The following GSAP variants were observed in gnomAD, a reference collection of about 807,000 sequenced individuals.
GSAP encodes the protein gamma-secretase-activating protein.
In GSAP, 118 loss-of-function variants were observed where a neutral mutation model predicts 131.7. That is an observed-to-expected ratio of 0.90 (90% CI 0.77 to 1.04). The LOEUF (loss-of-function observed/expected upper bound fraction) is 1.04. Among genes scored for constraint, GSAP ranks in the 50% least tolerant of loss-of-function variants. GSAP has a pLI of 0.00. For synonymous variants in GSAP, 381 were observed against 363.4 expected, an observed-to-expected ratio of 1.05 and a Z score of -0.55; for missense variants, 1,019 against 1,013.2, an observed-to-expected ratio of 1.01 and a Z score of -0.08.
intron 19 of GSAP, among the ~76,000 whole-genome samples, chr7:77,337,301 T>TG (rs34134192): frequency 0.022 from 1,457 of 65,560 alleles, 16 homozygotes; most frequent in African/African-American, 0.045. Context: ...GGGGGTGGGG[T>TG]GGGGGGGGGG....
chr7:77,350,208 A>G (rs1489639386), intron 18 of GSAP, among the ~76,000 whole-genome samples: 1 of 138,730 alleles, frequency 7.2e-6, no homozygotes, highest in Non-Finnish European at 1.5e-5. Context: ...TCACTCATAG[A>G]TGGGAACTGA....
intron 1 of GSAP, among the ~76,000 whole-genome samples, chr7:77,413,773 G>C (rs1193253960): frequency 2.6e-5 from 4 of 151,980 alleles, no homozygotes. Context: ...AATAGAATCA[G>C]AAAGGAGCAC....
At chr7:77,323,215 T>C (rs1364923219) in intron 24 of GSAP, among the ~76,000 whole-genome samples, 2 of 152,194 alleles carry the variant, frequency 1.3e-5, no homozygotes, top group African/African-American at 4.8e-5. Context: ...CAGCCTCACA[T>C]GGTAGTATTA....
intron 16 of GSAP, 140 bp from the exon 17 acceptor site, chr7:77,353,781 A>G: frequency 1.8e-6 from 1 of 541,614 alleles, no homozygotes; most frequent in Non-Finnish European, 3.3e-6. Context: ...CTTCTATACT[A>G]TCTTCAAGAT....
intron 12 of GSAP, among the ~76,000 whole-genome samples, chr7:77,370,386 G>A (rs577268832): frequency 9.9e-5 from 15 of 152,242 alleles, no homozygotes; most frequent in South Asian, 8.3e-4. Flanking sequence ...TCTTGAACCC[G>A]GGAGGAGGAG....
chr7:77,406,296 T>C (rs938229678), intron 1 of GSAP, among the ~76,000 whole-genome samples, 191 bp from the exon 2 acceptor site: 5 of 152,210 alleles, frequency 3.3e-5, no homozygotes, highest in African/African-American at 9.6e-5. Flanking sequence ...GAGAAAGCCA[T>C]AGTCATTGAG....
chr7:77,357,987 T>C (rs963944678), intron 14 of GSAP, among the ~76,000 whole-genome samples: 4 of 152,226 alleles, frequency 2.6e-5, no homozygotes, highest in African/African-American at 9.6e-5. Flanking sequence ...AAACACCACA[T>C]TGTACTCCAT....
chr7:77,416,088 C>T (rs1393833327), intron 1 of GSAP, 125 bp downstream of exon 1: 7 of 526,544 alleles, frequency 1.3e-5, no homozygotes, highest in Non-Finnish European at 2.3e-5. Context: ...AGGGGAGCGA[C>T]GCCCTCGCAC....
chr7:77,416,194 C>G lies in GSAP; in HGVS notation c.109+19G>C. ...CCCACTCCCCGCCCCCACCCCTCTCCGCAGCGCGCCTCCCGCACCTGCGCC... is the reference window on the plus strand; with the variant it reads ...CCCACTCCCCGCCCCCACCCCTCTCGGCAGCGCGCCTCCCGCACCTGCGCC... On this transcript the variant is annotated intron_variant, in intron 1 of 30. Coordinates refer to ENST00000257626, the MANE Select transcript of GSAP (RefSeq NM_017439.4). 7.5e-7 allele frequency: 1 copy of G among 1,342,008 alleles called. No homozygotes were observed. Among genetic ancestry groups the G allele is most frequent in the Non-Finnish European group, 9.8e-7 (1 of 1,015,302 alleles). 83.1% of individuals were successfully genotyped at this position (1,342,008 alleles called of 1,614,324 possible). A position where few individuals can be genotyped will look rare whatever the true frequency, so the allele number is the denominator to read the frequency against.
At chr7:77,407,088 C>G (rs143670825) in intron 1 of GSAP, among the ~76,000 whole-genome samples, 50 of 152,260 alleles carry the variant, frequency 3.3e-4, no homozygotes, top group African/African-American at 1.1e-3. Flanking sequence ...CACACCAAGT[C>G]GGATTTGGGG....
chr7:77,392,262 T>G (rs1799682405), intron 5 of GSAP, among the ~76,000 whole-genome samples: 1 of 148,138 alleles, frequency 6.8e-6, no homozygotes, highest in African/African-American at 2.5e-5. Flanking sequence ...AAGATATCAG[T>G]GGAGACTGGA....
chr7:77,386,029 T>C (rs1798515460), intron 6 of GSAP, among the ~76,000 whole-genome samples: 1 of 150,756 alleles, frequency 6.6e-6, no homozygotes, highest in South Asian at 2.1e-4. Flanking sequence ...ACAAATGTCG[T>C]ATACTGAATA....
At chr7:77,388,310 A>G (rs1798884228) in intron 5 of GSAP, among the ~76,000 whole-genome samples, 1 of 152,240 alleles carries the variant, frequency 6.6e-6, no homozygotes, top group South Asian at 2.1e-4. Flanking sequence ...ACAATGGCAA[A>G]TATTGTTTGT....
At chr7:77,360,759 G>A in intron 14 of GSAP, 65 bp downstream of exon 14, 1 of 839,014 alleles carries the variant, frequency 1.2e-6, no homozygotes. Context: ...AGTATAGAAG[G>A]CTGAGGTATA....
intron 24 of GSAP, among the ~76,000 whole-genome samples, chr7:77,322,613 T>C (rs1787822241): frequency 6.8e-6 from 1 of 147,814 alleles, no homozygotes; most frequent in African/African-American, 2.5e-5. Flanking sequence ...TTAAAGCAAG[T>C]TAATGTCAAC....
chr7:77,322,590 T>TG (rs1451027036), intron 24 of GSAP, among the ~76,000 whole-genome samples: 43 of 134,458 alleles, frequency 3.2e-4, no homozygotes, highest in African/African-American at 1.1e-3. Context: ...GAGTTTTTTT[T>TG]TTTTTTTTTT....
At chr7:77,385,899 T>C (rs1308591923) in intron 6 of GSAP, among the ~76,000 whole-genome samples, 1 of 152,184 alleles carries the variant, frequency 6.6e-6, no homozygotes, top group African/African-American at 2.4e-5. Context: ...CCAAAAGAAA[T>C]GATATTTTGA....
At chr7:77,396,913 G>A in intron 5 of GSAP, 69 bp downstream of exon 5, 2 of 739,376 alleles carry the variant, frequency 2.7e-6, no homozygotes, top group South Asian at 3.8e-5. Context: ...ATTTGATTTG[G>A]TAGTATAATA....
Position 77,409,303 on chromosome 7 carries a change from A to G in GSAP, c.110-3198T>C, listed in dbSNP as rs368801690. Among the ~76,000 whole-genome samples, 16 of 152,160 alleles carry G rather than the reference A, an allele frequency of 1.1e-4. No homozygotes were observed. In the East Asian group the frequency reaches 1.7e-3, roughly 17 times the overall value. Reference sequence around the variant, plus strand: ...TCAAGACCAACCTGGGCAACACAGCAAAACCCTGTCTCTTAATAATAATAA... The same window carrying G: ...TCAAGACCAACCTGGGCAACACAGCGAAACCCTGTCTCTTAATAATAATAA... On this transcript the variant is annotated intron_variant, in intron 1 of 30. Transcript: ENST00000257626.
Sources: allele counts gnomAD v4.1 joint callset (sites outside exome capture counted in the v4.1 genomes callset), GRCh38; gene constraint gnomAD v4.1.1; transcripts MANE v1.5; gene names NCBI Gene and HGNC (gene_info 2026-07-23, HGNC 2026-07-21).